Variants in VAV2 observed in about 807,000 individuals in gnomAD.
VAV2 encodes the protein vav guanine nucleotide exchange factor 2.
VAV2 carries 67 observed loss-of-function variants against 132.5 expected under a neutral mutation model. The ratio of observed to expected loss-of-function variants is 0.51; its 90% CI spans 0.42 to 0.62. VAV2 has a LOEUF of 0.62. Ranked by LOEUF, VAV2 falls within the 20% of genes least tolerant of loss-of-function variation. The pLI, the probability that VAV2 is intolerant of heterozygous loss-of-function variation, is 0.00. For synonymous variants in VAV2, 492 were observed against 443.5 expected (o/e 1.11, Z -1.37); for missense variants, 938 against 1,153.6 (o/e 0.81, Z 2.71).
chr9:133,777,886 T>C (rs530500654), intron 22 of VAV2, among the ~76,000 whole-genome samples: 7 of 152,318 alleles, frequency 4.6e-5, no homozygotes, highest in East Asian at 1.9e-4. Context: ...CACAGCATCA[T>C]TGTAACCTGA....
chr9:133,835,486 T>A (rs572349147), intron 3 of VAV2, among the ~76,000 whole-genome samples: 1 of 152,254 alleles, frequency 6.6e-6, no homozygotes, highest in East Asian at 1.9e-4. Context: ...GGCTCAACGC[T>A]ATGGGCCAAA....
At chr9:133,893,209 G>A (rs760927337) in intron 2 of VAV2, among the ~76,000 whole-genome samples, 7 of 152,228 alleles carry the variant, frequency 4.6e-5, no homozygotes, top group Non-Finnish European at 8.8e-5. Context: ...AAAGGTGGGA[G>A]TCTGACAGCC....
intron 2 of VAV2, among the ~76,000 whole-genome samples, chr9:133,910,498 G>A (rs1016738678): frequency 6.6e-6 from 1 of 152,018 alleles, no homozygotes; most frequent in Non-Finnish European, 1.5e-5. Flanking sequence ...CACTTCCCCA[G>A]AGTCACACAG....
At chr9:133,939,544 C>G (rs1001450685) in intron 1 of VAV2, among the ~76,000 whole-genome samples, 1 of 151,850 alleles carries the variant, frequency 6.6e-6, no homozygotes. Flanking sequence ...ACACGCCACT[C>G]CCCGTAACCG....
intron 7 of VAV2, among the ~76,000 whole-genome samples, chr9:133,808,339 C>A (rs535028879): frequency 1.6e-4 from 24 of 152,362 alleles, no homozygotes; most frequent in African/African-American, 5.5e-4. Flanking sequence ...CAGCCCAGGT[C>A]TCCCGGCTGG....
Position 133,778,883 on chromosome 9 carries a change from T to C in VAV2, c.1769A>G (p.Lys590Arg). ...ATGGTAATTCTGCATGGCCACCATC[T>C]TGGGACCTGCAAAGGATAGGACAGC... ...LDASGAGPGP[K>R]MVAMQNYHGN... The change falls in exon 22 of 30, where the codon AAG becomes AGG. Residue 590 changes from lysine to arginine, a missense_variant. Transcript: ENST00000371850. 1.9e-6 allele frequency: 3 copies of C among 1,612,488 alleles called. No homozygotes were observed. Among genetic ancestry groups the C allele is most frequent in the Non-Finnish European group, 2.5e-6 (3 of 1,179,888 alleles).
At chr9:133,800,256 GCCC>G (rs1834879192) in intron 9 of VAV2, among the ~76,000 whole-genome samples, 1 of 152,174 alleles carries the variant, frequency 6.6e-6, no homozygotes, top group South Asian at 2.1e-4. Flanking sequence ...AAGGCCCCCA[GCCC>G]ACCCCTGTGG....
At position 133,797,721 on chromosome 9, in the gene VAV2, G is replaced by A; in HGVS notation, c.925C>T (p.Gln309Ter). The change falls in exon 10 of 30, where the codon CAG (glutamine) becomes TAG (stop). Residue 309 changes from glutamine to a stop codon, truncating the protein, a stop_gained. Coordinates refer to ENST00000371850, the MANE Select transcript of VAV2 (RefSeq NM_001134398.2). LOFTEE classifies it high-confidence loss of function. ...CTGGCAGGACTTACCTCGACTTTCT[G>A]CCTGAAGTCCTCCCGGCTGGCCAGG... Reference protein sequence around the residue: ...QLLASREDFRQKVEECTLKVQ... With the variant: ...QLLASREDFR 2 of 1,613,906 alleles carry A rather than the reference G, an allele frequency of 1.2e-6. No individual in the cohort carries two copies. Among genetic ancestry groups the A allele is most frequent in the Non-Finnish European group, 1.7e-6 (2 of 1,179,930 alleles).
Position 133,769,311 on chromosome 9 carries a change from TG to T in VAV2, c.2434+105del. 8.1e-7 allele frequency: 1 copy of T among 1,236,430 alleles called. No individual in the cohort carries two copies. The highest frequency in any genetic ancestry group is 1.1e-6 in the Non-Finnish European group (1 of 895,876). 76.6% of individuals were successfully genotyped at this position (1,236,430 alleles called of 1,614,324 possible). A position where few individuals can be genotyped will look rare whatever the true frequency, so the allele number is the denominator to read the frequency against. On this transcript the variant is annotated intron_variant, in intron 28 of 29. Transcript: ENST00000371850. The surrounding 1 kb of genome is among the most constrained non-coding windows in gnomAD (Gnocchi z 8.1). The stretch of plus-strand genomic sequence containing the variant: ...CCCAGTGCCAGACTGCGGACAACTG[TG>T]GCCACGTCAGGCAGGGCTGTGGGGC...
chr9:133,874,930 C>G (rs139022274), intron 2 of VAV2, among the ~76,000 whole-genome samples: 3 of 152,316 alleles, frequency 2.0e-5, no homozygotes, highest in Admixed American at 6.5e-5. Context: ...GGGAAACATG[C>G]GTCCAGAACC....
rs1041573740 is a variant in VAV2, at chr9:133,840,348, C to T, written c.381-6008G>A. On this transcript the variant is annotated intron_variant, in intron 3 of 29. Transcript: ENST00000371850. The surrounding 1 kb of genome is among the most constrained non-coding windows in gnomAD (Gnocchi z 4.5). ...GCAGAGAAATCCCCAGCAGAGCCCG[C>T]GTTGGGCAGCAGCCCCTCCTCCCAA... Among the ~76,000 whole-genome samples, 1 of 152,130 alleles carries T rather than the reference C, an allele frequency of 6.6e-6. No homozygotes were observed. Among genetic ancestry groups the T allele is most frequent in the South Asian group, 2.1e-4 (1 of 4,836 alleles).
Position 133,807,770 on chromosome 9 carries a change from A to G in VAV2, c.667-444T>C, listed in dbSNP as rs566213057. Among the ~76,000 whole-genome samples the G allele has an allele frequency of 2.6e-5, 4 of 152,348 alleles. No individual in the cohort carries two copies. In the South Asian group the frequency reaches 8.3e-4, roughly 32 times the overall value. Reference sequence around the variant, plus strand: ...GCATGACCCCAAAACTGTCATCAAAAGGGATGCTCTCCACCCCGAGGAGTG... The same window carrying G: ...GCATGACCCCAAAACTGTCATCAAAGGGGATGCTCTCCACCCCGAGGAGTG... On this transcript the variant is annotated intron_variant, in intron 7 of 29. Transcript: ENST00000371850.
At position 133,884,688 on chromosome 9, in the gene VAV2, C is replaced by A. The variant is rs1482272995; in HGVS notation, c.322-23256G>T. On this transcript the variant is annotated intron_variant, in intron 2 of 29. Transcript: ENST00000371850. This position sits in a 1 kb window ranked among gnomAD's most constrained non-coding sequence, Gnocchi z 5.3. ...CTAAAAAGAAAAACAAAAAAAAACA[C>A]CTCTGGCTTTAAAAATGTTTTAACT... is the stretch of plus-strand genomic sequence containing the variant. Among the ~76,000 whole-genome samples, 4 of 152,172 alleles carry A rather than the reference C, an allele frequency of 2.6e-5. No homozygotes were observed. The highest frequency in any genetic ancestry group is 7.2e-5 in the African/African-American group (3 of 41,440).
chr9:133,845,936 C>T (rs1836917150), intron 3 of VAV2, among the ~76,000 whole-genome samples: 1 of 152,196 alleles, frequency 6.6e-6, no homozygotes, highest in African/African-American at 2.4e-5. Context: ...CAAGCTGCTC[C>T]ACAGACACCA....
At chr9:133,782,106 C>G (rs528614526) in intron 19 of VAV2, among the ~76,000 whole-genome samples, 1 of 132,846 alleles carries the variant, frequency 7.5e-6, no homozygotes, top group Admixed American at 7.3e-5. Flanking sequence ...CCGGCGGGGG[C>G]GGGGCGGGGG....
In VAV2 at chr9:133,806,756, C is replaced by T. The variant is rs550444199; in HGVS notation, c.735+502G>A. Among the ~76,000 whole-genome samples, 5 of 152,336 alleles carry T rather than the reference C, an allele frequency of 3.3e-5. 1 individual carries two copies. Among genetic ancestry groups the T allele is most frequent in the Middle Eastern group, 6.8e-3 (2 of 294 alleles). On this transcript the variant is annotated intron_variant, in intron 8 of 29. Transcript: ENST00000371850. ...CGCACGGGCTGCTGGCACCTGTGGC[C>T]GCCAGGCCAGGAGGAAGGGCCAGGA... is the stretch of plus-strand genomic sequence containing the variant.
chr9:133,801,399 G>A (rs72762836), intron 9 of VAV2, among the ~76,000 whole-genome samples: 3 of 152,376 alleles, frequency 2.0e-5, no homozygotes, highest in Non-Finnish European at 2.9e-5. Flanking sequence ...AAGGGGAACA[G>A]GGCCAGATTC....
intron 1 of VAV2, among the ~76,000 whole-genome samples, chr9:133,941,993 G>T (rs772382401): frequency 6.6e-6 from 1 of 152,204 alleles, no homozygotes; most frequent in African/African-American, 2.4e-5. Context: ...GAGCGATGGG[G>T]TGGTTTCGTG....
chr9:133,915,584 G>GCA (rs72509728), intron 2 of VAV2, among the ~76,000 whole-genome samples: 120,281 of 150,090 alleles, frequency 0.8, 52,034 homozygotes, highest in Non-Finnish European at 0.96. Context: ...CAAAGACAAG[G>GCA]CGCACACACA....
Sources: allele counts gnomAD v4.1 joint callset (sites outside exome capture counted in the v4.1 genomes callset), GRCh38; gene constraint gnomAD v4.1.1; non-coding constraint Gnocchi (gnomAD v3.1); transcripts MANE v1.5; gene names NCBI Gene and HGNC (gene_info 2026-07-23, HGNC 2026-07-21).